MYO3A: variants seen among roughly 807,000 people sequenced by gnomAD.
MYO3A encodes myosin-IIIa.
Under a neutral mutation model 192.7 loss-of-function variants are expected in MYO3A, and 180 were observed. The observed-to-expected ratio is 0.93, with a 90% CI of 0.83 to 1.06. The LOEUF (loss-of-function observed/expected upper bound fraction) is 1.06, where lower values mean the gene tolerates loss of function less well. Ranked by LOEUF, MYO3A falls within the 50% of genes least tolerant of loss-of-function variation. MYO3A has a pLI of 0.00. For missense variants in MYO3A, 1,896 were observed against 1,905.0 expected (o/e 1.00, Z 0.09); for synonymous variants, 628 against 645.3 (o/e 0.97, Z 0.41).
intron 32 of MYO3A, among the ~76,000 whole-genome samples, chr10:26,196,956 T>A (rs938585850): frequency 6.6e-6 from 1 of 152,310 alleles, no homozygotes; most frequent in Admixed American, 6.5e-5. Flanking sequence ...AATTCCACTG[T>A]TTTAGTTATT....
chr10:26,103,122 G>T (rs1837574099), intron 17 of MYO3A, among the ~76,000 whole-genome samples: 1 of 152,192 alleles, frequency 6.6e-6, no homozygotes, highest in South Asian at 2.1e-4. Flanking sequence ...CTGCCACCTT[G>T]CAGTTCAATC....
rs1836343084 is a variant in MYO3A, at chr10:25,939,613, T to C, written c.-18+3783T>C. 2.6e-5 allele frequency among the ~76,000 whole-genome samples: 4 copies of C among 152,172 alleles called. No individual in the cohort carries two copies. The East Asian group carries it at 7.7e-4, about 29-fold the overall frequency. The stretch of plus-strand genomic sequence containing the variant: ...AGGTATGCAATTGTATAGTTGTTTT[T>C]TTTTAACAATGTAGCTTGCAGTAGT... On this transcript the variant is annotated intron_variant, in intron 2 of 34. Transcript: ENST00000642920.
chr10:25,961,797 T>G (rs1476788523), intron 4 of MYO3A, among the ~76,000 whole-genome samples: 1 of 152,176 alleles, frequency 6.6e-6, no homozygotes, highest in Non-Finnish European at 1.5e-5. Flanking sequence ...TAGAGGCACT[T>G]TCAGAAAATT....
intron 14 of MYO3A, among the ~76,000 whole-genome samples, chr10:26,074,097 C>A (rs138829889): frequency 4.6e-4 from 70 of 151,960 alleles, no homozygotes; most frequent in African/African-American, 1.6e-3. Flanking sequence ...AGAAAAAAAA[C>A]TGTTTACAAT....
chr10:26,056,362 T>C (rs1199068805), intron 10 of MYO3A, among the ~76,000 whole-genome samples: 1 of 152,110 alleles, frequency 6.6e-6, no homozygotes. Flanking sequence ...AGGTATGATA[T>C]ATACATAATG....
chr10:26,199,010 G>A (rs576104994), intron 32 of MYO3A, among the ~76,000 whole-genome samples: 3 of 152,294 alleles, frequency 2.0e-5, no homozygotes, highest in South Asian at 2.1e-4. Flanking sequence ...TCACCTTTGA[G>A]GAGTGATATG....
chr10:26,096,289 TCAC>T, intron 15 of MYO3A, 89 bp from the exon 16 acceptor site: 1 of 949,692 alleles, frequency 1.1e-6, no homozygotes, highest in South Asian at 1.5e-5. Flanking sequence ...ATATCAGCAC[TCAC>T]AGTCGTTGTT....
chr10:26,055,819 AG>A (rs1588872917), intron 10 of MYO3A, among the ~76,000 whole-genome samples: 2 of 152,372 alleles, frequency 1.3e-5, no homozygotes, highest in East Asian at 3.9e-4. Context: ...TGTCATTAAA[AG>A]GTTGAAACCT....
At chr10:26,178,539 C>A (rs1389628159) in intron 31 of MYO3A, among the ~76,000 whole-genome samples, 3 of 147,068 alleles carry the variant, frequency 2.0e-5, no homozygotes, top group African/African-American at 7.5e-5. Flanking sequence ...GGTGACAGAG[C>A]GAGACTCTGT....
chr10:26,118,291 C>T (rs1257055592), intron 17 of MYO3A, among the ~76,000 whole-genome samples: 1 of 152,126 alleles, frequency 6.6e-6, no homozygotes, highest in Non-Finnish European at 1.5e-5. Context: ...CATGCTGGTT[C>T]CTTCATTGCA....
chr10:26,116,309 G>A (rs1252560090), intron 17 of MYO3A, among the ~76,000 whole-genome samples: 1 of 152,128 alleles, frequency 6.6e-6, no homozygotes, highest in African/African-American at 2.4e-5. Context: ...TGGTATTCTT[G>A]TACGGCAGGT....
At chr10:26,118,243 T>C (rs1838639016) in intron 17 of MYO3A, among the ~76,000 whole-genome samples, 1 of 152,218 alleles carries the variant, frequency 6.6e-6, no homozygotes, top group Non-Finnish European at 1.5e-5. Context: ...CAATGTCAGA[T>C]GCTGTATGAA....
intron 6 of MYO3A, among the ~76,000 whole-genome samples, chr10:25,999,173 C>T (rs931384537): frequency 2.6e-5 from 4 of 152,182 alleles, no homozygotes; most frequent in Non-Finnish European, 4.4e-5. Context: ...GCTGGGATTA[C>T]AGGCGTGAGC....
intron 18 of MYO3A, among the ~76,000 whole-genome samples, chr10:26,124,095 A>G (rs572901179): frequency 1.3e-5 from 2 of 148,968 alleles, no homozygotes; most frequent in African/African-American, 4.9e-5. Context: ...AGGCTGAAGT[A>G]GGAGGATCTC....
chr10:26,060,937 A>AT (rs200468971), intron 10 of MYO3A, among the ~76,000 whole-genome samples: 20 of 150,568 alleles, frequency 1.3e-4, no homozygotes, highest in Non-Finnish European at 2.2e-4. Context: ...ATTTTATTTT[A>AT]TTTTTTTTTG....
intron 32 of MYO3A, among the ~76,000 whole-genome samples, chr10:26,199,044 A>T (rs1471801349): frequency 6.6e-6 from 1 of 152,214 alleles, no homozygotes; most frequent in Non-Finnish European, 1.5e-5. Flanking sequence ...GACAAAGGGT[A>T]GAGGTTAATG....
At chr10:25,980,251 A>G (rs1158990052) in intron 4 of MYO3A, among the ~76,000 whole-genome samples, 1 of 151,426 alleles carries the variant, frequency 6.6e-6, no homozygotes, top group Non-Finnish European at 1.5e-5. Flanking sequence ...AAAAAAAAAA[A>G]GCAAAAAACC....
chr10:25,941,729 C>T (rs1836501857), intron 2 of MYO3A, among the ~76,000 whole-genome samples: 1 of 152,046 alleles, frequency 6.6e-6, no homozygotes, highest in Admixed American at 6.6e-5. Context: ...TTTTATTTTC[C>T]CAAACTGAAA....
chr10:26,133,888 T>C (rs1167316237), intron 20 of MYO3A, among the ~76,000 whole-genome samples: 1 of 152,088 alleles, frequency 6.6e-6, no homozygotes, highest in Non-Finnish European at 1.5e-5. Context: ...CAAAATACAA[T>C]TTTTTGGTAA....
Sources: gnomAD v4.1 joint callset for allele counts (sites outside exome capture counted in the v4.1 genomes callset) on GRCh38, gnomAD v4.1.1 for gene constraint, MANE v1.5 for transcripts, NCBI Gene and HGNC (gene_info 2026-07-23, HGNC 2026-07-21) for gene names.